GABRA3: variants seen among roughly 807,000 people sequenced by gnomAD.
GABRA3 encodes gamma-aminobutyric acid type A receptor subunit alpha3, also known as gamma-aminobutyric acid receptor subunit alpha-3.
In GABRA3, 10 loss-of-function variants were observed where a neutral mutation model predicts 30.1. The observed-to-expected ratio is 0.33, with a 90% CI of 0.20 to 0.56. The LOEUF is 0.56. Among genes scored for constraint, GABRA3 ranks in the 20% least tolerant of loss-of-function variants. The pLI, the probability that GABRA3 is intolerant of heterozygous loss-of-function variation, is 0.89. For synonymous variants in GABRA3, 151 were observed against 146.8 expected, an observed-to-expected ratio of 1.03 and a Z score of -0.21; for missense variants, 233 against 392.0, an observed-to-expected ratio of 0.59 and a Z score of 3.42.
At chrX:152,186,105 A>T (rs1456238710) in intron 9 of GABRA3, among the ~76,000 whole-genome samples, 1 of 112,105 alleles carries the variant, frequency 8.9e-6, no homozygotes, top group Admixed American at 9.5e-5. Flanking sequence ...ATTAATAACA[A>T]CATTTGAAAA....
intron 9 of GABRA3, among the ~76,000 whole-genome samples, chrX:152,182,989 A>G (rs1937205346): frequency 9.5e-6 from 1 of 105,438 alleles, no homozygotes; most frequent in Non-Finnish European, 1.9e-5. Context: ...TTTTACATCT[A>G]TTTTGTTCAT....
At chrX:152,293,911 T>C (rs754479087) in intron 3 of GABRA3, among the ~76,000 whole-genome samples, 1 of 111,877 alleles carries the variant, frequency 8.9e-6, no homozygotes, top group East Asian at 2.8e-4. Flanking sequence ...GATATGACAT[T>C]CTGGGTTGAA....
intron 1 of GABRA3, among the ~76,000 whole-genome samples, chrX:152,369,107 C>T (rs1048028274): frequency 9.0e-6 from 1 of 111,302 alleles, no homozygotes; most frequent in African/African-American, 3.3e-5. Context: ...TTCTCCACAT[C>T]CTCTCTAACA....
At chrX:152,310,368 C>G (rs1162623888) in intron 3 of GABRA3, among the ~76,000 whole-genome samples, 1 of 112,386 alleles carries the variant, frequency 8.9e-6, no homozygotes, top group Non-Finnish European at 1.9e-5. Context: ...CTAAACTGAA[C>G]TACATTCTTA....
At position 152,182,653 on chromosome X, in the gene GABRA3, C is replaced by T. The variant is rs6526080; in HGVS notation, c.1143+7077G>A. On this transcript the variant is annotated intron_variant, in intron 9 of 9. Transcript: ENST00000370314. ...ATACACTATATATACACTATATATA[C>T]ATATATAGTGTATATATACACTATA... Among the ~76,000 whole-genome samples the T allele has an allele frequency of 5.8e-4, 5 of 8,613 alleles. No individual in the cohort carries two copies. In the South Asian group the frequency reaches 0.065, roughly 112 times the overall value. 7.5% of individuals were successfully genotyped at this position (8,613 alleles called of 115,157 possible).
intron 2 of GABRA3, among the ~76,000 whole-genome samples, chrX:152,351,065 T>G (rs1940472071): frequency 8.9e-6 from 1 of 112,078 alleles, no homozygotes; most frequent in South Asian, 3.7e-4. Context: ...CAAGCTTTGT[T>G]ATTTCATTTA....
At chrX:152,324,389 G>A (rs944521790) in intron 3 of GABRA3, among the ~76,000 whole-genome samples, 6 of 109,511 alleles carry the variant, frequency 5.5e-5, no homozygotes, top group Admixed American at 1.9e-4. Context: ...ATTATGCCAA[G>A]CCTAACTTTT....
chrX:152,430,955 T>C (rs188923625), intron 1 of GABRA3, among the ~76,000 whole-genome samples: 20 of 109,282 alleles, frequency 1.8e-4, no homozygotes, highest in African/African-American at 5.0e-4. Flanking sequence ...AAAGAAAGAA[T>C]AGCAATGAAA....
intron 3 of GABRA3, among the ~76,000 whole-genome samples, chrX:152,293,380 C>G (rs1379443495): frequency 1.8e-5 from 2 of 110,683 alleles, no homozygotes; most frequent in Non-Finnish European, 3.8e-5. Flanking sequence ...CAAACCCCTG[C>G]TTTTTTTTGT....
chrX:152,208,165 TA>T, intron 6 of GABRA3, 21 bp from the exon 7 acceptor site: 2 of 1,197,879 alleles, frequency 1.7e-6, no homozygotes, highest in Non-Finnish European at 2.3e-6. Flanking sequence ...GAAGGGTCAA[TA>T]AAGAGAAGTT....
chrX:152,315,268 G>C (rs1261281232), intron 3 of GABRA3, among the ~76,000 whole-genome samples: 1 of 111,351 alleles, frequency 9.0e-6, no homozygotes, highest in African/African-American at 3.3e-5. Context: ...CATGGGAGAA[G>C]GATTTGACCT....
At chrX:152,286,553 C>T (rs751865633) in intron 3 of GABRA3, among the ~76,000 whole-genome samples, 3 of 111,248 alleles carry the variant, frequency 2.7e-5, no homozygotes, top group Admixed American at 9.6e-5. Context: ...TTTTCTCTCA[C>T]GGAAAGGTAG....
At chrX:152,203,488 G>C (rs1317740279) in intron 7 of GABRA3, among the ~76,000 whole-genome samples, 2 of 111,843 alleles carry the variant, frequency 1.8e-5, no homozygotes, top group African/African-American at 6.5e-5. Context: ...AACAGTATTA[G>C]TTTTCTATTT....
At chrX:152,402,452 C>T (rs184514117) in intron 1 of GABRA3, among the ~76,000 whole-genome samples, 1 of 112,018 alleles carries the variant, frequency 8.9e-6, no homozygotes, top group East Asian at 2.8e-4. Flanking sequence ...AGTTTTGGAA[C>T]ATTTCACTTC....
At position 152,256,008 on chromosome X, in the gene GABRA3, A is replaced by C; in HGVS notation, c.331-10T>G. ...CATCAATAGTGTACTCCTAGGGGTG[A>C]AAAGAGAGAAAACAATGTTTCAGTT... is the stretch of plus-strand genomic sequence containing the variant. On this transcript the variant is annotated splice_polypyrimidine_tract_variant and intron_variant, in intron 4 of 9. Coordinates refer to ENST00000370314, the MANE Select transcript of GABRA3 (RefSeq NM_000808.4). 1 of 1,141,010 alleles carries C rather than the reference A, an allele frequency of 8.8e-7. No individual in the cohort carries two copies. Among genetic ancestry groups the C allele is most frequent in the South Asian group, 1.8e-5 (1 of 55,247 alleles). The allele number at this position is 1,141,010 out of a possible 1,213,427, so 94.0% of individuals were successfully genotyped here. A position where few individuals can be genotyped will look rare whatever the true frequency, so the allele number is the denominator to read the frequency against.
chrX:152,277,878 T>C (rs34624298), intron 4 of GABRA3, among the ~76,000 whole-genome samples: 12,970 of 111,138 alleles, frequency 0.12, 608 homozygotes, highest in African/African-American at 0.16. Flanking sequence ...GTTCGATGTG[T>C]CAAAGCAGGC....
chrX:152,265,982 A>AGCCATAAT (rs959034878), intron 4 of GABRA3, among the ~76,000 whole-genome samples: 6 of 111,427 alleles, frequency 5.4e-5, no homozygotes, highest in Admixed American at 4.8e-4. Context: ...ATGTGATCAA[A>AGCCATAAT]GCCATAATAA....
rs990686721 is a variant in GABRA3 at position 152,315,116 on chromosome X, A to G, written c.263-30381T>C. 1.8e-5 allele frequency among the ~76,000 whole-genome samples: 2 copies of G among 111,404 alleles called. No individual in the cohort carries two copies. The highest frequency in any genetic ancestry group is 1.9e-4 in the Admixed American group (2 of 10,492). On this transcript the variant is annotated intron_variant, in intron 3 of 9. Transcript: ENST00000370314. ...TACCAGGAAAGCTGAGAGAACCCAC[A>G]GACCTTTTGAAGGAAGCAGATTGCT...
chrX:152,183,467 T>C (rs1231437459), intron 9 of GABRA3, among the ~76,000 whole-genome samples: 22 of 99,453 alleles, frequency 2.2e-4, no homozygotes, highest in African/African-American at 8.7e-4. Context: ...AGTCTAAAGG[T>C]TTGTCTATTT....
Sources: allele counts gnomAD v4.1 joint callset (sites outside exome capture counted in the v4.1 genomes callset), GRCh38; gene constraint gnomAD v4.1.1; transcripts MANE v1.5; gene names NCBI Gene and HGNC (gene_info 2026-07-23, HGNC 2026-07-21).